The following FCHO1 variants were observed in gnomAD, a reference collection of about 807,000 sequenced individuals.
The protein encoded by FCHO1 is FCH and mu domain containing endocytic adaptor 1, also known as F-BAR domain only protein 1.
Under a neutral mutation model 114.4 loss-of-function variants are expected in FCHO1, and 45 were observed. The observed-to-expected ratio is 0.39, with a 90% CI of 0.31 to 0.50. The LOEUF is 0.50. Among genes scored for constraint, FCHO1 ranks in the 20% least tolerant of loss-of-function variants. The probability of loss-of-function intolerance (pLI) is 0.77; values close to 1 mark genes in which losing one functional copy is unlikely to be tolerated. For synonymous variants in FCHO1, 480 were observed against 488.9 expected (o/e 0.98, Z 0.24); for missense variants, 1,042 against 1,209.6 (o/e 0.86, Z 2.06).
At chr19:17,783,403 T>C (rs1268512271) in intron 24 of FCHO1, among the ~76,000 whole-genome samples, 2 of 150,746 alleles carry the variant, frequency 1.3e-5, no homozygotes, top group Non-Finnish European at 3.0e-5. Context: ...GTAGCTGGGA[T>C]TACAGGCACG....
At chr19:17,773,786 G>A (rs1053240570) in intron 11 of FCHO1, among the ~76,000 whole-genome samples, 2 of 152,086 alleles carry the variant, frequency 1.3e-5, no homozygotes, top group African/African-American at 4.8e-5. Flanking sequence ...GTTCTTGTCC[G>A]GGAACCTGAT....
In FCHO1 at chr19:17,769,274, C is replaced by CAAAAAAAAAA. The variant is rs34490038; in HGVS notation, c.337-1140_337-1131dup. Among the ~76,000 whole-genome samples the CAAAAAAAAAA allele has an allele frequency of 2.6e-3, 135 of 51,812 alleles. 3 individuals are homozygous for CAAAAAAAAAA. The highest frequency in any genetic ancestry group is 0.012 in the African/African-American group (132 of 11,038). The allele number at this position is 51,812 out of a possible 152,430, so 34.0% of individuals were successfully genotyped here. ...TGGGTGAAAGAGCAAGACTCCGCCT[C>CAAAAAAAAAA]AAAAAAAAAAAAAAAAAAAAGGCCT... On this transcript the variant is annotated intron_variant, in intron 7 of 28. Coordinates refer to ENST00000596536, the MANE Select transcript of FCHO1 (RefSeq NM_015122.3).
intron 4 of FCHO1, among the ~76,000 whole-genome samples, chr19:17,757,256 T>G (rs1421801221): frequency 1.3e-5 from 2 of 148,346 alleles, no homozygotes; most frequent in Non-Finnish European, 3.0e-5. Flanking sequence ...GAAGTTCTGG[T>G]GGGAGAGACA....
chr19:17,774,255 G>A lies in FCHO1; in HGVS notation c.807G>A (p.Glu269=), dbSNP rs540486172. The part of the protein sequence containing the change: ...GREKPGPLDF[E]AYSAAALQEA... The stretch of plus-strand genomic sequence containing the variant: ...CTGTCTCAGGACCTCTGGACTTCGA[G>A]GCATACAGTGCGGCTGCCCTGCAGG... Residue 269 remains glutamate, a synonymous_variant, in exon 12 of 29, where the codon GAG becomes GAA. Transcript: ENST00000596536. 5 of 1,614,108 alleles carry A rather than the reference G, an allele frequency of 3.1e-6. No individual in the cohort carries two copies. In the Admixed American group the frequency reaches 8.3e-5, roughly 27 times the overall value.
rs760979158 is a variant in FCHO1, at chr19:17,776,640, G to A, written c.1213G>A (p.Ala405Thr). 28 of 1,613,806 alleles carry A rather than the reference G, an allele frequency of 1.7e-5. No individual in the cohort carries two copies. Among genetic ancestry groups the A allele is most frequent in the Admixed American group, 3.3e-5 (2 of 59,978 alleles). The change falls in exon 18 of 29, where the codon GCT becomes ACT. Residue 405 changes from alanine (A) to threonine (T), a missense_variant. Physicochemically the swap from Ala to Thr is moderately conservative, Grantham distance 58. Around this residue, in one of 3 missense-constraint regions of FCHO1, gnomAD observed 450 missense variants for 564.1 expected, o/e 0.80. Transcript: ENST00000596536. This position sits in a 1 kb window ranked among gnomAD's most constrained non-coding sequence, Gnocchi z 4.4. ...GTMKRHSSRD[A>T]AGKPQRPRSA... ...AGGAGGTGCATCTCTTGTAGGGGAC[G>A]CTGCTGGGAAACCCCAGAGACCTCG...
chr19:17,785,326 T>C (rs2093776806), intron 26 of FCHO1, among the ~76,000 whole-genome samples: 2 of 152,308 alleles, frequency 1.3e-5, no homozygotes, highest in South Asian at 4.1e-4. Context: ...TTCAAGCGAT[T>C]TTCTCTGCCT....
In FCHO1 at chr19:17,778,893, A is replaced by G. The variant is rs751736244; in HGVS notation, c.1627+9A>G. The stretch of plus-strand genomic sequence containing the variant: ...GGCCTTGGCCGGAGGAGGTGAGTCC[A>G]GCGGGCCTGGGCCTGAGAGTTGCTG... On this transcript the variant is annotated intron_variant, in intron 20 of 28. Coordinates refer to ENST00000596536, the MANE Select transcript of FCHO1 (RefSeq NM_015122.3). The G allele has an allele frequency of 3.2e-6, 5 of 1,545,060 alleles. No homozygotes were observed. The highest frequency in any genetic ancestry group is 4.3e-6 in the Non-Finnish European group (5 of 1,153,968).
intron 7 of FCHO1, 35 bp from the exon 8 acceptor site, chr19:17,770,388 TCA>T: frequency 1.3e-6 from 2 of 1,573,778 alleles, no homozygotes; most frequent in Non-Finnish European, 1.7e-6. Context: ...GTCAGGAATT[TCA>T]CAGTCTACCC....
rs896366737 is a variant in FCHO1, at chr19:17,766,863, C to T, written c.336+53C>T. The T allele has an allele frequency of 1.9e-6, 3 of 1,579,198 alleles. No homozygotes were observed. In the African/African-American group the frequency reaches 4.0e-5, roughly 21 times the overall value. ...CTGGGTGGGTGTGGAACACCGGCAG[C>T]TCACAGGACCCCAGATCTTCTGGGG... is the stretch of plus-strand genomic sequence containing the variant. On this transcript the variant is annotated intron_variant, in intron 7 of 28. Coordinates refer to ENST00000596536, the MANE Select transcript of FCHO1 (RefSeq NM_015122.3).
At chr19:17,752,499 A>T (rs940441669) in intron 1 of FCHO1, 2 of 132,824 alleles carry the variant, frequency 1.5e-5, no homozygotes, top group Non-Finnish European at 3.4e-5. Context: ...ACCTCAAGTG[A>T]TCCACCCACC....
intron 9 of FCHO1, among the ~76,000 whole-genome samples, chr19:17,771,691 AAAAT>A (rs372331481): frequency 4.8e-4 from 73 of 152,230 alleles, no homozygotes; most frequent in Non-Finnish European, 9.1e-4. Flanking sequence ...AATAAAATAA[AAAAT>A]AAAATTTAAA....
intron 4 of FCHO1, among the ~76,000 whole-genome samples, chr19:17,762,469 GAGAA>G (rs2086695587): frequency 6.6e-6 from 1 of 152,104 alleles, no homozygotes; most frequent in African/African-American, 2.4e-5. Flanking sequence ...GAAAAACGGA[GAGAA>G]AGACAGAGAC....
chr19:17,782,866 T>C (rs1599773288), intron 23 of FCHO1, 151 bp from the exon 24 acceptor site: 23 of 784,058 alleles, frequency 2.9e-5, no homozygotes, highest in Non-Finnish European at 4.3e-5. Flanking sequence ...AAAGAGGAGG[T>C]TGGGGGAAAG....
In FCHO1 at chr19:17,781,236, A is replaced by G; in HGVS notation, c.1633A>G (p.Met545Val). ...GLEALAGGDL[M>V]PAPADPTARE... ...CTCTTTGTACTCGCTCCTAGACCTG[A>G]TGCCTGCACCTGCTGACCCCACAGC... is the stretch of plus-strand genomic sequence containing the variant. Residue 545 changes from methionine (M) to valine (V), a missense_variant, in exon 21 of 29, where the codon ATG (methionine) becomes GTG (valine). Around this residue, in one of 3 missense-constraint regions of FCHO1, gnomAD observed 455 missense variants for 455.4 expected, o/e 1.00. Transcript: ENST00000596536. The G allele has an allele frequency of 6.2e-7, 1 of 1,612,606 alleles. No individual in the cohort carries two copies. The highest frequency in any genetic ancestry group is 1.1e-5 in the South Asian group (1 of 90,948).
chr19:17,784,616 C>T lies in FCHO1; in HGVS notation c.2227-109C>T. 1 of 1,043,862 alleles carries T rather than the reference C, an allele frequency of 9.6e-7. No individual in the cohort carries two copies. Among genetic ancestry groups the T allele is most frequent in the Non-Finnish European group, 1.5e-6 (1 of 673,908 alleles). The allele number at this position is 1,043,862 out of a possible 1,614,324, so 64.7% of individuals were successfully genotyped here. On this transcript the variant is annotated intron_variant, in intron 25 of 28. Transcript: ENST00000596536. The surrounding 1 kb of genome is among the most constrained non-coding windows in gnomAD (Gnocchi z 5.3). The stretch of plus-strand genomic sequence containing the variant: ...CATCAAATCTCCCTGTGACTGGACC[C>T]CCTTGGGGCGGTGCGTGCATCGCAG...
Position 17,751,716 on chromosome 19 carries a change from A to C in FCHO1, c.-183+139A>C, listed in dbSNP as rs963979390. ...ACTTCCTGGGCTGGCCAAAGCCTGC[A>C]TGGGGCCACCCGTTGCCCTGCCCCC... On this transcript the variant is annotated intron_variant, in intron 1 of 28. Transcript: ENST00000596536. This position sits in a 1 kb window ranked among gnomAD's most constrained non-coding sequence, Gnocchi z 4.4. 1 of 152,322 alleles carries C rather than the reference A, an allele frequency of 6.6e-6. No individual in the cohort carries two copies. The highest frequency in any genetic ancestry group is 6.5e-5 in the Admixed American group (1 of 15,286). 9.4% of individuals were successfully genotyped at this position (152,322 alleles called of 1,614,324 possible).
In FCHO1 at chr19:17,751,908, C is replaced by T. The variant is rs1030045032; in HGVS notation, c.-183+331C>T. On this transcript the variant is annotated intron_variant, in intron 1 of 28. Coordinates refer to ENST00000596536, the MANE Select transcript of FCHO1 (RefSeq NM_015122.3). This position sits in a 1 kb window ranked among gnomAD's most constrained non-coding sequence, Gnocchi z 4.4. ...ACCAATGATTGATCTCTCTGTGCCTCGGTTTCCTTCATAAAGTTGGGGTTG... is the reference window on the plus strand; with the variant it reads ...ACCAATGATTGATCTCTCTGTGCCTTGGTTTCCTTCATAAAGTTGGGGTTG... Among the ~76,000 whole-genome samples, 7 of 152,302 alleles carry T rather than the reference C, an allele frequency of 4.6e-5. No homozygotes were observed. The highest frequency in any genetic ancestry group is 1.4e-4 in the African/African-American group (6 of 41,568).
intron 7 of FCHO1, among the ~76,000 whole-genome samples, chr19:17,767,074 G>GGTT (rs1568336759): frequency 2.9e-5 from 4 of 138,570 alleles, no homozygotes; most frequent in South Asian, 2.2e-4. Flanking sequence ...GCTAAGAAGG[G>GGTT]TTTTTTTTTT....
chr19:17,767,742 T>G (rs577151459), intron 7 of FCHO1, among the ~76,000 whole-genome samples: 1 of 148,082 alleles, frequency 6.8e-6, no homozygotes, highest in South Asian at 2.1e-4. Context: ...TGCCCATTGA[T>G]GTGCCTGTCA....
Sources: allele counts gnomAD v4.1 joint callset (sites outside exome capture counted in the v4.1 genomes callset), GRCh38; gene constraint gnomAD v4.1.1; regional missense constraint gnomAD v4.1.1; non-coding constraint Gnocchi (gnomAD v3.1); transcripts MANE v1.5; gene names NCBI Gene and HGNC (gene_info 2026-07-23, HGNC 2026-07-21).